The following PTPRN2 variants were observed in gnomAD, a reference collection of about 807,000 sequenced individuals.
PTPRN2 encodes receptor-type tyrosine-protein phosphatase N2.
In PTPRN2, 74 loss-of-function variants were observed where a neutral mutation model predicts 118.8. That is an observed-to-expected ratio of 0.62 (90% confidence interval 0.52 to 0.76). The LOEUF (loss-of-function observed/expected upper bound fraction) is 0.76, where lower values mean the gene tolerates loss of function less well. Ranked by LOEUF, PTPRN2 falls within the 30% of genes least tolerant of loss-of-function variation. The pLI, the probability that PTPRN2 is intolerant of heterozygous loss-of-function variation, is 0.00. For synonymous variants in PTPRN2, 641 were observed against 608.0 expected (o/e 1.05, Z -0.80); for missense variants, 1,481 against 1,394.4 (o/e 1.06, Z -0.99).
intron 11 of PTPRN2, among the ~76,000 whole-genome samples, chr7:158,042,085 A>G (rs2128890312): frequency 6.6e-6 from 1 of 152,342 alleles, no homozygotes; most frequent in Non-Finnish European, 1.5e-5. Context: ...GCGGCTGGAC[A>G]CGCACTTTCT....
chr7:157,791,511 G>C (rs1219209899), intron 12 of PTPRN2, among the ~76,000 whole-genome samples: 1 of 152,034 alleles, frequency 6.6e-6, no homozygotes, highest in Admixed American at 6.5e-5. Flanking sequence ...GCGCCAGCCT[G>C]CCTGTCCTCC....
rs1227234854 is a variant in PTPRN2, at chr7:157,592,916, G to A, written c.2496+2322C>T. 1.8e-3 allele frequency among the ~76,000 whole-genome samples: 199 copies of A among 112,428 alleles called. 1 individual carries two copies. The highest frequency in any genetic ancestry group is 2.8e-3 in the Non-Finnish European group (151 of 54,790). 73.8% of individuals were successfully genotyped at this position (112,428 alleles called of 152,430 possible). On this transcript the variant is annotated intron_variant, in intron 17 of 22. Transcript: ENST00000389418. Reference sequence around the variant, plus strand: ...GAGTGTGGATGCCAAGAGGCTTCACGCAGGACGGAGGGTGGATGTGGCACC... The same window carrying A: ...GAGTGTGGATGCCAAGAGGCTTCACACAGGACGGAGGGTGGATGTGGCACC...
chr7:158,255,614 G>A (rs1413228762), intron 3 of PTPRN2, among the ~76,000 whole-genome samples: 1 of 152,172 alleles, frequency 6.6e-6, no homozygotes, highest in African/African-American at 2.4e-5. Flanking sequence ...TGAGCCCTCT[G>A]TCCATTCAGG....
rs773683697 is a variant in PTPRN2 at position 157,577,885 on chromosome 7, T to C, written c.2616+136A>G. On this transcript the variant is annotated intron_variant, in intron 18 of 22. Coordinates refer to ENST00000389418, the MANE Select transcript of PTPRN2 (RefSeq NM_002847.5). ...GCCCTCGGGGGTGGCTCAGCCTCCA[T>C]CCCCTGAACATGGGGTGCGCTGAGC... 1.1e-5 allele frequency: 13 copies of C among 1,193,376 alleles called. No homozygotes were observed. In the Admixed American group the frequency reaches 1.7e-4, roughly 16 times the overall value. 73.9% of individuals were successfully genotyped at this position (1,193,376 alleles called of 1,614,324 possible).
chr7:158,428,947 A>T (rs1396036424), intron 2 of PTPRN2, among the ~76,000 whole-genome samples: 1 of 152,212 alleles, frequency 6.6e-6, no homozygotes, highest in East Asian at 1.9e-4. Context: ...ACTGCAAGAA[A>T]AACAGGGTGT....
In PTPRN2 at chr7:157,617,448, C is replaced by T. The variant is rs1344351677; in HGVS notation, c.2344+3914G>A. ...TAGGACGCCGTTCACGCAGCTGCAG[C>T]GCAGAGCACGGGCGACGCTGGCTCA... is the stretch of plus-strand genomic sequence containing the variant. On this transcript the variant is annotated intron_variant, in intron 15 of 22. Transcript: ENST00000389418. This position sits in a 1 kb window ranked among gnomAD's most constrained non-coding sequence, Gnocchi z 7.5. The T allele has an allele frequency of 2.7e-5, 4 of 148,940 alleles. No individual in the cohort carries two copies. The highest frequency in any genetic ancestry group is 1.3e-4 in the Admixed American group (2 of 14,942). 9.2% of individuals were successfully genotyped at this position (148,940 alleles called of 1,614,324 possible).
chr7:158,584,486 T>A (rs1828812084), intron 1 of PTPRN2, among the ~76,000 whole-genome samples: 1 of 152,046 alleles, frequency 6.6e-6, no homozygotes, highest in African/African-American at 2.4e-5. Flanking sequence ...AACACAGCAA[T>A]GTTATTTTGG....
chr7:158,314,078 C>T (rs1802092555), intron 3 of PTPRN2, among the ~76,000 whole-genome samples: 2 of 152,168 alleles, frequency 1.3e-5, no homozygotes, highest in Admixed American at 1.3e-4. Flanking sequence ...GCACCCTGCC[C>T]CCGCCACATC....
At chr7:158,267,042 G>A (rs1797932386) in intron 3 of PTPRN2, among the ~76,000 whole-genome samples, 1 of 152,238 alleles carries the variant, frequency 6.6e-6, no homozygotes, top group African/African-American at 2.4e-5. Flanking sequence ...TGCCTCATCT[G>A]CAGCGTCGTC....
intron 14 of PTPRN2, among the ~76,000 whole-genome samples, chr7:157,650,902 TGA>T (rs1805610856): frequency 1.3e-5 from 2 of 152,098 alleles, no homozygotes; most frequent in African/African-American, 4.8e-5. Flanking sequence ...GATCAAACAA[TGA>T]GAGACAGAGA....
intron 11 of PTPRN2, among the ~76,000 whole-genome samples, chr7:157,999,492 C>G (rs1805051224): frequency 6.6e-6 from 1 of 152,196 alleles, no homozygotes; most frequent in Non-Finnish European, 1.5e-5. Flanking sequence ...TGCCCACTTA[C>G]CCTGCGTTTT....
At chr7:157,843,849 G>A (rs770276152) in intron 12 of PTPRN2, among the ~76,000 whole-genome samples, 15 of 152,216 alleles carry the variant, frequency 9.9e-5, no homozygotes, top group Non-Finnish European at 1.9e-4. Flanking sequence ...GAAAGGGGAG[G>A]AGGAACAGGT....
rs1000104000 is a variant in PTPRN2, at chr7:158,022,586, C to A, written c.1723+58712G>T. ...ACCCGGGCACTCTGTCTGGGGCAGCCCGTAATGTGTTCATAGCCAAGGCCC... is the reference window on the plus strand; with the variant it reads ...ACCCGGGCACTCTGTCTGGGGCAGCACGTAATGTGTTCATAGCCAAGGCCC... On this transcript the variant is annotated intron_variant, in intron 11 of 22. Transcript: ENST00000389418. The surrounding 1 kb of genome is among the most constrained non-coding windows in gnomAD (Gnocchi z 4.6). 6.6e-6 allele frequency among the ~76,000 whole-genome samples: 1 copy of A among 151,112 alleles called. No individual in the cohort carries two copies. Among genetic ancestry groups the A allele is most frequent in the African/African-American group, 2.4e-5 (1 of 41,256 alleles).
rs377585585 is a variant in PTPRN2 at position 157,813,279 on chromosome 7, G to A, written c.1788+85394C>T. On this transcript the variant is annotated intron_variant, in intron 12 of 22. Transcript: ENST00000389418. This position sits in a 1 kb window ranked among gnomAD's most constrained non-coding sequence, Gnocchi z 4.7. The stretch of plus-strand genomic sequence containing the variant: ...ACCTTTGGGACCCCTCACCCTGCCC[G>A]GTCCTCCTGCTGTGGGGTGTGAGTC... 1.4e-4 allele frequency among the ~76,000 whole-genome samples: 22 copies of A among 152,216 alleles called. No homozygotes were observed. The highest frequency in any genetic ancestry group is 1.2e-3 in the East Asian group (6 of 5,174).
intron 9 of PTPRN2, among the ~76,000 whole-genome samples, chr7:158,119,360 GA>G (rs947051010): frequency 5.3e-5 from 8 of 152,164 alleles, no homozygotes; most frequent in African/African-American, 1.9e-4. Context: ...ACTGTAAGAA[GA>G]AAAAAACCCA....
At chr7:157,984,383 G>A (rs1206359688) in intron 11 of PTPRN2, among the ~76,000 whole-genome samples, 2 of 4,702 alleles carry the variant, frequency 4.3e-4, no homozygotes, top group Non-Finnish European at 3.7e-4. Context: ...CACCCCCCAC[G>A]CCAGGCTCCA....
At chr7:157,697,580 C>A (rs769053607) in intron 12 of PTPRN2, among the ~76,000 whole-genome samples, 25 of 129,808 alleles carry the variant, frequency 1.9e-4, no homozygotes, top group African/African-American at 7.0e-4. Flanking sequence ...TGGGTCTTGG[C>A]AGAGCCCTCA....
At chr7:158,341,344 C>A (rs1315843231) in intron 2 of PTPRN2, among the ~76,000 whole-genome samples, 2 of 151,368 alleles carry the variant, frequency 1.3e-5, no homozygotes, top group Non-Finnish European at 2.9e-5. Flanking sequence ...CCCACACTCT[C>A]ACCATAAGAG....
chr7:158,491,545 A>G (rs1042865636), intron 1 of PTPRN2, among the ~76,000 whole-genome samples: 2 of 152,002 alleles, frequency 1.3e-5, no homozygotes, highest in Admixed American at 1.3e-4. Flanking sequence ...GCTGGAGTGC[A>G]ATGGAGTGAT....
Sources: allele counts gnomAD v4.1 joint callset (sites outside exome capture counted in the v4.1 genomes callset), GRCh38; gene constraint gnomAD v4.1.1; non-coding constraint Gnocchi (gnomAD v3.1); transcripts MANE v1.5; gene names NCBI Gene and HGNC (gene_info 2026-07-23, HGNC 2026-07-21).